The following PPP1R37 variants were observed in gnomAD, a reference collection of about 807,000 sequenced individuals.
PPP1R37 encodes leucine rich repeat containing 68.
In PPP1R37, 21 loss-of-function variants were observed where a neutral mutation model predicts 61.0. The ratio of observed to expected loss-of-function variants is 0.34; its 90% confidence interval spans 0.24 to 0.50. The LOEUF is 0.50. Among genes scored for constraint, PPP1R37 ranks in the 20% least tolerant of loss-of-function variants. PPP1R37 has a pLI of 0.98. For synonymous variants in PPP1R37, 443 were observed against 433.5 expected (o/e 1.02, Z -0.27); for missense variants, 910 against 952.7 (o/e 0.96, Z 0.59).
At chr19:45,143,330 C>T (rs183443459) in intron 7 of PPP1R37, 191 bp from the exon 8 acceptor site, 184 of 537,626 alleles carry the variant, frequency 3.4e-4, no homozygotes, top group Admixed American at 1.1e-3. Context: ...GGCTGTCATC[C>T]AGGCACCCAG....
intron 8 of PPP1R37, chr19:45,143,852 A>C: frequency 2.5e-6 from 1 of 394,558 alleles, no homozygotes; most frequent in Non-Finnish European, 4.6e-6. Context: ...TTTTTTTGAG[A>C]CCGAGTCTCA....
chr19:45,143,789 G>T (rs1426548017), intron 8 of PPP1R37, 156 bp downstream of exon 8: 2 of 528,708 alleles, frequency 3.8e-6, no homozygotes, highest in South Asian at 2.4e-5. Flanking sequence ...TCCTCATTCA[G>T]CTTCTGTGCC....
chr19:45,145,313 G>A (rs1302435695), intron 10 of PPP1R37, 40 bp from the exon 11 acceptor site: 42 of 1,522,398 alleles, frequency 2.8e-5, no homozygotes, highest in Non-Finnish European at 3.3e-5. Flanking sequence ...CCGGGTGGTG[G>A]GGCCGGCCTG....
At chr19:45,110,975 C>T (rs1387132286) in intron 1 of PPP1R37, among the ~76,000 whole-genome samples, 1 of 152,176 alleles carries the variant, frequency 6.6e-6, no homozygotes, top group Non-Finnish European at 1.5e-5. Context: ...GGGCTTTCCT[C>T]AGAGGCCCCC....
At chr19:45,129,208 C>T (rs1260125162) in intron 1 of PPP1R37, among the ~76,000 whole-genome samples, 1 of 152,198 alleles carries the variant, frequency 6.6e-6, no homozygotes. Context: ...CTCCCTTGGC[C>T]AGGAACAAGC....
intron 1 of PPP1R37, among the ~76,000 whole-genome samples, chr19:45,125,162 A>C (rs1968388376): frequency 6.6e-6 from 1 of 152,032 alleles, no homozygotes; most frequent in South Asian, 2.1e-4. Flanking sequence ...ATCAAACAAT[A>C]TCTCTTTAAT....
chr19:45,124,541 C>T (rs541983769), intron 1 of PPP1R37, among the ~76,000 whole-genome samples: 10 of 152,172 alleles, frequency 6.6e-5, no homozygotes, highest in African/African-American at 1.9e-4. Context: ...AGTGCGTGCA[C>T]GGCCCCCTCC....
At chr19:45,142,485 C>T (rs1568450796) in intron 7 of PPP1R37, 27 bp downstream of exon 7, 3 of 1,532,982 alleles carry the variant, frequency 2.0e-6, no homozygotes, top group Middle Eastern at 1.7e-4. Context: ...ACCCCACCCA[C>T]ACCCGTCACC....
At chr19:45,140,423 T>TGGGGGGGGGGGG in intron 3 of PPP1R37, 83 bp from the exon 4 acceptor site, 1 of 330,824 alleles carries the variant, frequency 3.0e-6, no homozygotes, top group East Asian at 1.2e-4. Context: ...TGGTGGGGGG[T>TGGGGGGGGGGGG]GGGAGGTTGG....
At chr19:45,104,143 C>G (rs948117627) in intron 1 of PPP1R37, among the ~76,000 whole-genome samples, 7 of 152,202 alleles carry the variant, frequency 4.6e-5, no homozygotes, top group Admixed American at 4.6e-4. Flanking sequence ...CCAACTCCCC[C>G]TCCCGTGCTG....
At chr19:45,144,811 G>A (rs897085491) in intron 8 of PPP1R37, 43 bp from the exon 9 acceptor site, 28 of 1,475,364 alleles carry the variant, frequency 1.9e-5, no homozygotes, top group Non-Finnish European at 2.5e-5. Flanking sequence ...GGTCTCCTCC[G>A]CCATCACGGC....
intron 1 of PPP1R37, chr19:45,136,415 C>G: frequency 6.6e-6 from 1 of 152,178 alleles, no homozygotes; most frequent in East Asian, 1.9e-4. Flanking sequence ...TAAGTGTCTC[C>G]CCTCAAGTTC....
intron 1 of PPP1R37, among the ~76,000 whole-genome samples, chr19:45,125,129 G>A (rs1455912535): frequency 6.6e-6 from 1 of 152,174 alleles, no homozygotes; most frequent in Non-Finnish European, 1.5e-5. Flanking sequence ...TGAATAGTGT[G>A]GTGTCAGGCA....
intron 1 of PPP1R37, among the ~76,000 whole-genome samples, chr19:45,123,329 G>A (rs1968363651): frequency 6.6e-6 from 1 of 152,168 alleles, no homozygotes; most frequent in South Asian, 2.1e-4. Flanking sequence ...CTGGAGGCTG[G>A]GTCTTCCTGC....
rs1290418585 is a variant in PPP1R37 at position 45,145,713 on chromosome 19, A to G, written c.1657A>G (p.Thr553Ala). Residue 553 changes from threonine to alanine, a missense_variant, in exon 11 of 13, where the codon ACC becomes GCC. Transcript: ENST00000221462. Reference sequence around the variant, plus strand: ...TCCCCCAGGCAGCCCCTCCACACCCACCGAGCAGCGGATTTCCGTGTCCAG... The same window carrying G: ...TCCCCCAGGCAGCCCCTCCACACCCGCCGAGCAGCGGATTTCCGTGTCCAG... ...RSPPGSPSTPTEQRISVSSPG... is the reference protein window; with the variant it reads ...RSPPGSPSTPAEQRISVSSPG... 6.5e-7 allele frequency: 1 copy of G among 1,533,276 alleles called. No homozygotes were observed. Among genetic ancestry groups the G allele is most frequent in the Non-Finnish European group, 8.7e-7 (1 of 1,145,764 alleles). 95.0% of individuals were successfully genotyped at this position (1,533,276 alleles called of 1,614,324 possible).
chr19:45,098,942 G>A (rs547301269), intron 1 of PPP1R37, among the ~76,000 whole-genome samples: 77 of 152,282 alleles, frequency 5.1e-4, no homozygotes, highest in Non-Finnish European at 6.9e-4. Flanking sequence ...CCACTGAGCA[G>A]CCACGTGACT....
intron 1 of PPP1R37, among the ~76,000 whole-genome samples, chr19:45,134,943 T>G (rs1359027059): frequency 6.6e-6 from 1 of 152,048 alleles, no homozygotes; most frequent in Non-Finnish European, 1.5e-5. Context: ...CAGAGGCTCT[T>G]GGAACAAAGA....
chr19:45,140,692 A>G (rs1218617227), intron 4 of PPP1R37, 86 bp downstream of exon 4: 17 of 1,030,682 alleles, frequency 1.6e-5, no homozygotes, highest in Non-Finnish European at 2.5e-5. Context: ...CTGCAGGAGG[A>G]GGGGGTCCCC....
chr19:45,124,642 A>G (rs564824115), intron 1 of PPP1R37, among the ~76,000 whole-genome samples: 14 of 152,216 alleles, frequency 9.2e-5, no homozygotes, highest in Admixed American at 9.2e-4. Flanking sequence ...CTGTCTCCCC[A>G]GTGCCAGCAC....
Sources: allele counts gnomAD v4.1 joint callset (sites outside exome capture counted in the v4.1 genomes callset), GRCh38; gene constraint gnomAD v4.1.1; transcripts MANE v1.5; gene names NCBI Gene and HGNC (gene_info 2026-07-23, HGNC 2026-07-21).